The following SEMA4D variants were observed in gnomAD, a reference collection of about 807,000 sequenced individuals.
SEMA4D encodes semaphorin 4D.
A neutral mutation model predicts 74.8 loss-of-function variants in SEMA4D; 22 were observed. The ratio of observed to expected loss-of-function variants is 0.29; its 90% CI spans 0.21 to 0.42. The LOEUF (loss-of-function observed/expected upper bound fraction) is 0.42. SEMA4D is among the 10% of genes least tolerant of loss of function. The probability of loss-of-function intolerance (pLI) is 1.00; values close to 1 mark genes in which losing one functional copy is unlikely to be tolerated. For missense variants in SEMA4D, 937 were observed against 1,118.4 expected, an observed-to-expected ratio of 0.84 and a Z score of 2.31; for synonymous variants, 445 against 463.7, an observed-to-expected ratio of 0.96 and a Z score of 0.52.
chr9:89,389,000 G>C lies in SEMA4D; in HGVS notation c.822C>G (p.Phe274Leu), dbSNP rs1458704428. 1.9e-6 allele frequency: 3 copies of C among 1,614,004 alleles called. No individual in the cohort carries two copies. Among genetic ancestry groups the C allele is most frequent in the East Asian group, 2.2e-5 (1 of 44,884 alleles). Residue 274 changes from phenylalanine (F) to leucine (L), a missense_variant, in exon 10 of 16, where the codon TTC (phenylalanine) becomes TTG (leucine). By Grantham distance (22) the Phe-to-Leu change is conservative (BLOSUM62 0). Transcript: ENST00000422704. ...GGGAGCAGATGAGTCGGGCTTTCAG[G>C]AAGGAGGTCCATTTCTTCTGCAAGG... Reference protein sequence around the residue: ...LRTLQKKWTSFLKARLICSRP... With the variant: ...LRTLQKKWTSLLKARLICSRP...
At position 89,381,274 on chromosome 9, in the gene SEMA4D, C is replaced by A; in HGVS notation, c.1519G>T (p.Gly507Cys). The A allele has an allele frequency of 6.3e-7, 1 of 1,590,144 alleles. No homozygotes were observed. The highest frequency in any genetic ancestry group is 8.6e-7 in the Non-Finnish European group (1 of 1,165,264). ...GCCAGCACACAGTCCTCGCAGGTGC[C>A]GTGCTTCCCACAGAAGGCCAGCGGG... Reference protein sequence around the residue: ...QAPLAFCGKHGTCEDCVLARD... With the variant: ...QAPLAFCGKHCTCEDCVLARD... The change falls in exon 14 of 16, where the codon GGC becomes TGC. Residue 507 changes from glycine (G) to cysteine (C), a missense_variant. Coordinates refer to ENST00000422704, the MANE Select transcript of SEMA4D (RefSeq NM_001371194.2). The surrounding 1 kb of genome is among the most constrained non-coding windows in gnomAD (Gnocchi z 4.6).
intron 9 of SEMA4D, among the ~76,000 whole-genome samples, chr9:89,389,901 G>C (rs1401094084): frequency 6.6e-6 from 1 of 152,140 alleles, no homozygotes; most frequent in African/African-American, 2.4e-5. Context: ...TTCAGGTCAC[G>C]GGCAGCAGGT....
At chr9:89,435,917 C>A (rs912325093) in intron 2 of SEMA4D, among the ~76,000 whole-genome samples, 4 of 152,246 alleles carry the variant, frequency 2.6e-5, no homozygotes, top group African/African-American at 9.6e-5. Context: ...TGTGCCGCAT[C>A]CCAATGCATG....
chr9:89,393,684 A>G (rs1840318952), intron 6 of SEMA4D, 29 bp from the exon 7 acceptor site: 2 of 1,508,522 alleles, frequency 1.3e-6, no homozygotes, highest in East Asian at 2.3e-5. Context: ...AGAGCACATC[A>G]TCAGATGGCT....
chr9:89,418,388 C>G (rs184212547), intron 2 of SEMA4D: 1 of 985,320 alleles, frequency 1.0e-6, no homozygotes. Context: ...AGCCCCAGGA[C>G]CCGACCAGGT....
intron 4 of SEMA4D, among the ~76,000 whole-genome samples, chr9:89,399,677 A>G (rs747835677): frequency 3.3e-5 from 5 of 152,192 alleles, no homozygotes; most frequent in Non-Finnish European, 5.9e-5. Flanking sequence ...TTCAAACATC[A>G]AAGTGGGCTT....
At chr9:89,464,812 G>C (rs557162140) in intron 1 of SEMA4D, among the ~76,000 whole-genome samples, 1 of 151,932 alleles carries the variant, frequency 6.6e-6, no homozygotes, top group East Asian at 1.9e-4. Flanking sequence ...GGATAAGCCT[G>C]AGTTACCACG....
chr9:89,428,651 C>A (rs1374543379), intron 2 of SEMA4D, among the ~76,000 whole-genome samples: 1 of 152,236 alleles, frequency 6.6e-6, no homozygotes, highest in Non-Finnish European at 1.5e-5. Flanking sequence ...CTGCACACGG[C>A]CTGGCCCACT....
chr9:89,489,317 C>T (rs1163146358), intron 1 of SEMA4D, among the ~76,000 whole-genome samples: 5 of 152,200 alleles, frequency 3.3e-5, no homozygotes, highest in African/African-American at 4.8e-5. Context: ...GATTTGCCCA[C>T]GAATGCTCAC....
At chr9:89,432,870 G>T (rs542918824) in intron 2 of SEMA4D, among the ~76,000 whole-genome samples, 4 of 152,250 alleles carry the variant, frequency 2.6e-5, no homozygotes, top group African/African-American at 7.2e-5. Context: ...TCCACTCTGG[G>T]TATGTACACA....
intron 1 of SEMA4D, among the ~76,000 whole-genome samples, chr9:89,471,635 G>A (rs1038616043): frequency 7.3e-6 from 1 of 136,668 alleles, no homozygotes; most frequent in South Asian, 2.2e-4. Flanking sequence ...CATACAGGCT[G>A]AGGTGCATGC....
Position 89,461,700 on chromosome 9 carries a change from C to CTCTCTTTTTTTTTTTTTTTTTTTTTT in SEMA4D, c.-309-5748_-309-5747insAAAAAAAAAAAAAAAAAAAAAAGAGA, listed in dbSNP as rs71281350. ...GGGCCAATGTGTATTTCTTTTTTCT[C>CTCTCTTTTTTTTTTTTTTTTTTTTTT]TTTTTTTTTTTTTTTTTTTGGAGAC... is the stretch of plus-strand genomic sequence containing the variant. On this transcript the variant is annotated intron_variant, in intron 1 of 15. Transcript: ENST00000422704. 1.9e-5 allele frequency among the ~76,000 whole-genome samples: 2 copies of CTCTCTTTTTTTTTTTTTTTTTTTTTT among 103,646 alleles called. 1 individual carries two copies. Among genetic ancestry groups the CTCTCTTTTTTTTTTTTTTTTTTTTTT allele is most frequent in the African/African-American group, 6.9e-5 (2 of 28,808 alleles). The allele number at this position is 103,646 out of a possible 152,430, so 68.0% of individuals were successfully genotyped here.
At chr9:89,478,763 T>C (rs10908929) in intron 1 of SEMA4D, among the ~76,000 whole-genome samples, 61,720 of 134,922 alleles carry the variant, frequency 0.46, 14,756 homozygotes, top group East Asian at 0.64. Flanking sequence ...CCCCTCATCC[T>C]CCACCCCACC....
At chr9:89,456,591 GGA>G (rs994502012) in intron 1 of SEMA4D, among the ~76,000 whole-genome samples, 34 of 152,260 alleles carry the variant, frequency 2.2e-4, no homozygotes, top group African/African-American at 7.2e-4. Flanking sequence ...CCAGAATTTG[GGA>G]GAGTTTTTCT....
At chr9:89,420,484 A>G (rs988550397) in intron 2 of SEMA4D, among the ~76,000 whole-genome samples, 2 of 152,224 alleles carry the variant, frequency 1.3e-5, no homozygotes, top group African/African-American at 4.8e-5. Context: ...CATGGCCTTC[A>G]CATCCTCTCC....
chr9:89,372,613 C>T (rs1466641451), downstream of SEMA4D, among the ~76,000 whole-genome samples: 1 of 151,956 alleles, frequency 6.6e-6, no homozygotes, highest in Non-Finnish European at 1.5e-5. Flanking sequence ...CACACTGAGG[C>T]AGTCGGCCAC....
At chr9:89,390,662 G>A (rs114352431) in intron 9 of SEMA4D, among the ~76,000 whole-genome samples, 1,950 of 152,292 alleles carry the variant, frequency 0.013, 52 homozygotes, top group African/African-American at 0.045. Context: ...ATGAGCTCCT[G>A]GCCAGGGACA....
At chr9:89,385,836 G>T in intron 13 of SEMA4D, 1 of 909,468 alleles carries the variant, frequency 1.1e-6, no homozygotes, top group Non-Finnish European at 1.3e-6. Flanking sequence ...CCAGGGCCAG[G>T]GAGGCAGCCC....
At position 89,396,216 on chromosome 9, in the gene SEMA4D, G is replaced by A. The variant is rs751064796; in HGVS notation, c.414+521C>T. ...AGTGAGCAAGCTGCACACCACAGCCGACCAGAAGGGTGGGTCCCACAGCCA... is the reference window on the plus strand; with the variant it reads ...AGTGAGCAAGCTGCACACCACAGCCAACCAGAAGGGTGGGTCCCACAGCCA... On this transcript the variant is annotated intron_variant, in intron 6 of 15. Transcript: ENST00000422704. Among the ~76,000 whole-genome samples the A allele has an allele frequency of 4.6e-5, 7 of 152,116 alleles. No homozygotes were observed. In the East Asian group the frequency reaches 5.8e-4, roughly 13 times the overall value.
Sources: allele counts gnomAD v4.1 joint callset (sites outside exome capture counted in the v4.1 genomes callset), GRCh38; gene constraint gnomAD v4.1.1; non-coding constraint Gnocchi (gnomAD v3.1); transcripts MANE v1.5; gene names NCBI Gene and HGNC (gene_info 2026-07-23, HGNC 2026-07-21).